Variants in PCDHGA3 observed in about 807,000 individuals in gnomAD.
PCDHGA3 encodes protocadherin gamma subfamily A, 3.
PCDHGA3 carries 40 observed loss-of-function variants against 58.5 expected under a neutral mutation model. The ratio of observed to expected loss-of-function variants is 0.68; its 90% CI spans 0.53 to 0.89. The LOEUF (loss-of-function observed/expected upper bound fraction) is 0.89, where lower values mean the gene tolerates loss of function less well. PCDHGA3 is among the 40% of genes least tolerant of loss of function. PCDHGA3 has a pLI of 0.00. For missense variants in PCDHGA3, 1,223 were observed against 1,195.9 expected (o/e 1.02, Z -0.33); for synonymous variants, 530 against 525.7 (o/e 1.01, Z -0.11).
chr5:141,462,431 T>G (rs1345184304), intron 1 of PCDHGA3, among the ~76,000 whole-genome samples: 1 of 152,246 alleles, frequency 6.6e-6, no homozygotes, highest in East Asian at 1.9e-4. Context: ...TGGTGAGTGT[T>G]GCTTACACAC....
intron 1 of PCDHGA3, among the ~76,000 whole-genome samples, chr5:141,436,781 A>T (rs1041532929): frequency 6.6e-6 from 1 of 152,236 alleles, no homozygotes; most frequent in Non-Finnish European, 1.5e-5. Context: ...TGTGGATGGA[A>T]ATAAAACTGT....
At chr5:141,348,747 A>G (rs1054262746) in intron 1 of PCDHGA3, among the ~76,000 whole-genome samples, 2 of 152,226 alleles carry the variant, frequency 1.3e-5, no homozygotes, top group Non-Finnish European at 2.9e-5. Context: ...AGTAAAAGGA[A>G]TGGAAAGTAT....
Position 141,490,743 on chromosome 5 carries a change from C to T in PCDHGA3, c.2425-4064C>T, listed in dbSNP as rs1011278142. 7.4e-6 allele frequency: 12 copies of T among 1,614,058 alleles called. No homozygotes were observed. The highest frequency in any genetic ancestry group is 1.0e-5 in the Non-Finnish European group (12 of 1,180,038). On this transcript the variant is annotated intron_variant, in intron 1 of 3. Transcript: ENST00000253812. This position sits in a 1 kb window ranked among gnomAD's most constrained non-coding sequence, Gnocchi z 5.4. ...TTGTAGGAAATCAGGTTCAGGGAGC[C>T]CCAGCCTCCTCCTTTGTGTATGTCA...
At chr5:141,405,218 G>T in intron 1 of PCDHGA3, 1 of 1,613,986 alleles carries the variant, frequency 6.2e-7, no homozygotes, top group Non-Finnish European at 8.5e-7. Flanking sequence ...CTATTCTCAG[G>T]AGTTCTCCCT....
At position 141,433,251 on chromosome 5, in the gene PCDHGA3, C is replaced by T. The variant is rs1022165468; in HGVS notation, c.2425-61556C>T. The T allele has an allele frequency of 1.1e-5, 16 of 1,423,126 alleles. No homozygotes were observed. In the East Asian group the frequency reaches 3.7e-4, roughly 33 times the overall value. 88.2% of individuals were successfully genotyped at this position (1,423,126 alleles called of 1,614,324 possible). A position where few individuals can be genotyped will look rare whatever the true frequency, so the allele number is the denominator to read the frequency against. ...CTCTGTCTCCCAAGCTGGAATGCAGCGGTACGATCATAGCTCACTGCAGCC... is the reference window on the plus strand; with the variant it reads ...CTCTGTCTCCCAAGCTGGAATGCAGTGGTACGATCATAGCTCACTGCAGCC... On this transcript the variant is annotated intron_variant, in intron 1 of 3. Transcript: ENST00000253812.
chr5:141,440,503 G>A (rs979260104), intron 1 of PCDHGA3: 10 of 152,154 alleles, frequency 6.6e-5, no homozygotes, highest in Non-Finnish European at 1.0e-4. Flanking sequence ...ACATTAATAT[G>A]GAGATTCAGG....
At chr5:141,375,561 A>C in intron 1 of PCDHGA3, 1 of 1,614,064 alleles carries the variant, frequency 6.2e-7, no homozygotes, top group Non-Finnish European at 8.5e-7. Context: ...TCACTGGCAG[A>C]AGACACCCTC....
intron 1 of PCDHGA3, among the ~76,000 whole-genome samples, chr5:141,462,783 T>A (rs1313584666): frequency 6.6e-6 from 1 of 152,236 alleles, no homozygotes; most frequent in Non-Finnish European, 1.5e-5. Flanking sequence ...CATAATTTGT[T>A]GCTTATTTGC....
rs765318875 is a variant in PCDHGA3 at position 141,489,896 on chromosome 5, C to A, written c.2425-4911C>A. On this transcript the variant is annotated intron_variant, in intron 1 of 3. Coordinates refer to ENST00000253812, the MANE Select transcript of PCDHGA3 (RefSeq NM_018916.4). This position sits in a 1 kb window ranked among gnomAD's most constrained non-coding sequence, Gnocchi z 4.5. ...GTGCTTACTGCTGTGGATGGGGGGA[C>A]CCCAGCCCGCTCAGGGACCACCCTT... 5 of 1,614,062 alleles carry A rather than the reference C, an allele frequency of 3.1e-6. No homozygotes were observed.
At chr5:141,361,195 A>G (rs369211493) in intron 1 of PCDHGA3, 1 of 1,613,692 alleles carries the variant, frequency 6.2e-7, no homozygotes, top group Non-Finnish European at 8.5e-7. Context: ...TTCAGTATCT[A>G]CTCCCCTACC....
intron 1 of PCDHGA3, chr5:141,418,009 C>G (rs780624400): frequency 6.2e-7 from 1 of 1,613,776 alleles, no homozygotes; most frequent in African/African-American, 1.3e-5. Context: ...TGGGGAACCT[C>G]GCTAAGGATC....
At chr5:141,413,648 TC>T in intron 1 of PCDHGA3, 1 of 1,613,820 alleles carries the variant, frequency 6.2e-7, no homozygotes, top group Non-Finnish European at 8.5e-7. Context: ...CGTTTTCCTC[TC>T]CCGGAAGCTA....
intron 1 of PCDHGA3, chr5:141,395,380 T>C (rs1219736482): frequency 9.0e-7 from 1 of 1,112,054 alleles, no homozygotes; most frequent in African/African-American, 1.6e-5. Context: ...GTGGTGTTAC[T>C]ATAAAATTGA....
chr5:141,400,880 T>C (rs919340566), intron 1 of PCDHGA3, among the ~76,000 whole-genome samples: 1 of 152,276 alleles, frequency 6.6e-6, no homozygotes, highest in Non-Finnish European at 1.5e-5. Flanking sequence ...TTAAATTTAA[T>C]GTATGTAATC....
intron 1 of PCDHGA3, chr5:141,350,672 G>C: frequency 6.2e-7 from 1 of 1,614,014 alleles, no homozygotes; most frequent in Non-Finnish European, 8.5e-7. Flanking sequence ...CATTGACTTA[G>C]AAATTTGTGA....
rs367919924 is a variant in PCDHGA3, at chr5:141,487,711, T to A, written c.2425-7096T>A. The A allele has an allele frequency of 1.1e-5, 18 of 1,586,144 alleles. No individual in the cohort carries two copies. In the African/African-American group the frequency reaches 2.1e-4, roughly 19 times the overall value. On this transcript the variant is annotated intron_variant, in intron 1 of 3. Transcript: ENST00000253812. The surrounding 1 kb of genome is among the most constrained non-coding windows in gnomAD (Gnocchi z 5.0). ...TAGAGAGTACTGGCCTCTCAGTAAG[T>A]GCCCATAGTGATGTCACCATTTTTG...
At chr5:141,504,381 T>C (rs1039838477) in intron 2 of PCDHGA3, among the ~76,000 whole-genome samples, 4 of 152,130 alleles carry the variant, frequency 2.6e-5, no homozygotes, top group Non-Finnish European at 5.9e-5. Context: ...GTGGAGTCGC[T>C]GCCTCACAGA....
intron 1 of PCDHGA3, among the ~76,000 whole-genome samples, chr5:141,387,064 G>A (rs2090802887): frequency 6.6e-6 from 1 of 152,174 alleles, no homozygotes; most frequent in Admixed American, 6.5e-5. Context: ...ATGAGGAGAG[G>A]AGTAGGCTAC....
At position 141,511,130 on chromosome 5, in the gene PCDHGA3, G is replaced by A. The variant is rs777082914; in HGVS notation, c.2756G>A (p.Gly919Asp). ...GKRDGKAPAG[G>D]NGNKKKSGKK... ...CGGGATGGCAAGGCCCCAGCAGGTG[G>A]CAATGGCAACAAGAAGAAGTCGGGC... The change falls in exon 4 of 4, where the codon GGC (glycine) becomes GAC (aspartate). Residue 919 changes from glycine (G) to aspartate (D), a missense_variant. Coordinates refer to ENST00000253812, the MANE Select transcript of PCDHGA3 (RefSeq NM_018916.4). 6.2e-7 allele frequency: 1 copy of A among 1,614,210 alleles called. No homozygotes were observed. The highest frequency in any genetic ancestry group is 1.1e-5 in the South Asian group (1 of 91,090).
Sources: allele counts gnomAD v4.1 joint callset (sites outside exome capture counted in the v4.1 genomes callset), GRCh38; gene constraint gnomAD v4.1.1; non-coding constraint Gnocchi (gnomAD v3.1); transcripts MANE v1.5; gene names NCBI Gene and HGNC (gene_info 2026-07-23, HGNC 2026-07-21).